SNORC: variants seen among roughly 807,000 people sequenced by gnomAD.
The protein encoded by SNORC is secondary ossification center associated regulator of chondrocyte maturation.
In SNORC, 11 loss-of-function variants were observed where a neutral mutation model predicts 9.7. The observed-to-expected ratio is 1.14, with a 90% CI of 0.72 to 1.88. SNORC has a LOEUF of 1.88. SNORC is among the 40% of genes most tolerant of loss of function. The pLI, the probability that SNORC is intolerant of heterozygous loss-of-function variation, is 0.00. For synonymous variants in SNORC, 108 were observed against 88.7 expected, an observed-to-expected ratio of 1.22 and a Z score of -1.22; for missense variants, 197 against 173.1, an observed-to-expected ratio of 1.14 and a Z score of -0.77.
At chr2:232,870,117 G>C (rs1157382342), upstream of SNORC, among the ~76,000 whole-genome samples, 1 of 145,770 alleles carries the variant, frequency 6.9e-6, no homozygotes. Flanking sequence ...GAGCGGGGCT[G>C]CTCCCAGGTT....
upstream of SNORC, among the ~76,000 whole-genome samples, chr2:232,868,248 C>T (rs1690913629): frequency 6.6e-6 from 1 of 151,618 alleles, no homozygotes; most frequent in South Asian, 2.1e-4. Flanking sequence ...AGGTGTGCAC[C>T]ACCATGCCTG....
chr2:232,871,626 C>T (rs1001505640), intron 1 of SNORC, among the ~76,000 whole-genome samples: 14 of 152,222 alleles, frequency 9.2e-5, no homozygotes, highest in Admixed American at 7.9e-4. Flanking sequence ...AGGGCGCCAG[C>T]CTCCCTTGTG....
Position 232,876,329 on chromosome 2 carries a change from C to T in SNORC, c.339C>T (p.Val113=), listed in dbSNP as rs764670925. ...GCGTGGTGCTGGCGCTCGTGGTCGT[C>T]GCGCTGAGAAAGTTTTCTGCCTCCT... Residue 113 remains valine, a synonymous_variant, in exon 3 of 3, where the codon GTC becomes GTT. Coordinates refer to ENST00000331342, the Ensembl canonical transcript of SNORC. This position sits in a 1 kb window ranked among gnomAD's most constrained non-coding sequence, Gnocchi z 6.8. 1 of 1,546,110 alleles carries T rather than the reference C, an allele frequency of 6.5e-7. No homozygotes were observed. Among genetic ancestry groups the T allele is most frequent in the Non-Finnish European group, 8.7e-7 (1 of 1,149,732 alleles).
upstream of SNORC, among the ~76,000 whole-genome samples, chr2:232,867,280 A>G (rs1355655663): frequency 6.6e-6 from 1 of 152,212 alleles, no homozygotes; most frequent in Non-Finnish European, 1.5e-5. Flanking sequence ...TATTTGCTAA[A>G]TCCTAGGATA....
rs1691230181 is a variant in SNORC at position 232,876,156 on chromosome 2, A to G, written c.256+34A>G. The G allele has an allele frequency of 3.6e-6, 2 of 558,754 alleles. No individual in the cohort carries two copies. The highest frequency in any genetic ancestry group is 5.5e-6 in the Non-Finnish European group (2 of 365,800). 34.6% of individuals were successfully genotyped at this position (558,754 alleles called of 1,614,324 possible). On this transcript the variant is annotated intron_variant, in intron 2 of 2. Coordinates refer to ENST00000331342, the Ensembl canonical transcript of SNORC. This position sits in a 1 kb window ranked among gnomAD's most constrained non-coding sequence, Gnocchi z 6.8. ...GGGGCGGGGGAGGGAGGGGAGAGGG[A>G]GAAATTAGGAGGGGCGGGGGGCGGG...
At chr2:232,871,957 C>T (rs1208334745) in intron 1 of SNORC, among the ~76,000 whole-genome samples, 3 of 152,208 alleles carry the variant, frequency 2.0e-5, no homozygotes, top group Non-Finnish European at 1.5e-5. Flanking sequence ...GGTGGGCTTC[C>T]TCTGCCACCA....
chr2:232,874,758 G>A lies in SNORC; in HGVS notation c.74-1182G>A, dbSNP rs141581367. Among the ~76,000 whole-genome samples, 1,332 of 152,356 alleles carry A rather than the reference G, an allele frequency of 8.7e-3. 35 individuals are homozygous for A. Among genetic ancestry groups the A allele is most frequent in the Admixed American group, 0.054 (829 of 15,304 alleles). ...GGACAAAAGGTGCCCTAGGGTCGCC[G>A]GCTGGCCGGCAGGGTCTGTTCACAG... is the stretch of plus-strand genomic sequence containing the variant. On this transcript the variant is annotated intron_variant, in intron 1 of 2. Transcript: ENST00000331342.
chr2:232,872,342 G>A (rs938200066), intron 1 of SNORC, among the ~76,000 whole-genome samples: 2 of 152,200 alleles, frequency 1.3e-5, no homozygotes, highest in Non-Finnish European at 2.9e-5. Context: ...CCAGGGCAGG[G>A]ATGAAAAGGC....
downstream of SNORC, chr2:232,876,471 CAGGCGAGCGCTCAGGGCGGGGGT>C (rs1393820810): frequency 7.4e-7 from 1 of 1,356,668 alleles, no homozygotes; most frequent in East Asian, 3.2e-5. The surrounding 1 kb of genome is among the most constrained non-coding windows in gnomAD (Gnocchi z 6.8). Context: ...TGAGCGCGCG[CAGGCGAGCGCTCAGGGCGGGGGT>C]GCGCGCGGGG....
downstream of SNORC, chr2:232,877,214 A>G (rs1160137626): frequency 9.1e-6 from 9 of 985,366 alleles, no homozygotes; most frequent in Non-Finnish European, 8.4e-6. Context: ...GGGGGCCGGC[A>G]GCCCCCACGC....
intron 1 of SNORC, among the ~76,000 whole-genome samples, chr2:232,874,689 T>C (rs537466338): frequency 3.0e-4 from 46 of 152,318 alleles, no homozygotes; most frequent in Admixed American, 2.5e-3. Flanking sequence ...AGGGCAAGTG[T>C]CTGGCTTGAC....
chr2:232,875,578 A>G (rs1230348313), intron 1 of SNORC: 3 of 387,532 alleles, frequency 7.7e-6, no homozygotes, highest in South Asian at 2.4e-5. Context: ...GGCGGGGGTT[A>G]TCATGCAGGC....
chr2:232,875,847 C>T (rs1691208133), intron 1 of SNORC, 93 bp from the exon 2 acceptor site: 1 of 1,326,322 alleles, frequency 7.5e-7, no homozygotes, highest in Admixed American at 2.5e-5. Context: ...CCTCACACAG[C>T]GCTACCGGCA....
chr2:232,874,810 G>A (rs1691157969), intron 1 of SNORC, among the ~76,000 whole-genome samples: 1 of 152,236 alleles, frequency 6.6e-6, no homozygotes, highest in Non-Finnish European at 1.5e-5. Flanking sequence ...CACTGTTTCT[G>A]GGCAGCACAA....
chr2:232,871,371 A>G (rs1305235663), intron 1 of SNORC, among the ~76,000 whole-genome samples: 1 of 152,164 alleles, frequency 6.6e-6, no homozygotes, highest in Non-Finnish European at 1.5e-5. Context: ...GCTTGAGGCC[A>G]GGGTGTGCTC....
chr2:232,877,218 C>T (rs1362258115), downstream of SNORC: 1 of 985,414 alleles, frequency 1.0e-6, no homozygotes, highest in East Asian at 1.1e-4. Flanking sequence ...GCCGGCAGCC[C>T]CCACGCCCAC....
downstream of SNORC, chr2:232,876,584 C>A (rs930190495): frequency 1.5e-5 from 17 of 1,140,986 alleles, no homozygotes; most frequent in Non-Finnish European, 1.1e-6. This position sits in a 1 kb window ranked among gnomAD's most constrained non-coding sequence, Gnocchi z 6.8. Context: ...CGTGCGTGAG[C>A]GCACAGCATG....
chr2:232,875,996 T>TC lies in SNORC; in HGVS notation c.131dup (p.Glu46ArgfsTer?). On this transcript the variant is annotated frameshift_variant, in exon 2 of 3. Coordinates refer to ENST00000331342, the Ensembl canonical transcript of SNORC. LOFTEE classifies it high-confidence loss of function. ...GTGGAACGAGCCGGCCGAGCTGCCG[T>TC]CGGGAGAAGGCCCCGTGGAGAGCAC... 6.4e-7 allele frequency: 1 copy of TC among 1,554,396 alleles called. No homozygotes were observed. The highest frequency in any genetic ancestry group is 8.7e-7 in the Non-Finnish European group (1 of 1,152,040).
chr2:232,868,948 T>C (rs1452173844), upstream of SNORC: 1 of 152,242 alleles, frequency 6.6e-6, no homozygotes, highest in East Asian at 1.9e-4. Context: ...ATTCGTATCT[T>C]ACTAACTTGA....
Sources: allele counts gnomAD v4.1 joint callset (sites outside exome capture counted in the v4.1 genomes callset), GRCh38; gene constraint gnomAD v4.1.1; non-coding constraint Gnocchi (gnomAD v3.1); transcripts MANE v1.5; gene names NCBI Gene and HGNC (gene_info 2026-07-23, HGNC 2026-07-21).